KRT8: variants seen among roughly 807,000 people sequenced by gnomAD.
The protein encoded by KRT8 is keratin, type II cytoskeletal 8.
Under a neutral mutation model 43.0 loss-of-function variants are expected in KRT8, and 24 were observed. The ratio of observed to expected loss-of-function variants is 0.56; its 90% CI spans 0.40 to 0.78. KRT8 has a LOEUF of 0.78. KRT8 is among the 30% of genes least tolerant of loss of function. The pLI is 0.00. For missense variants in KRT8, 492 were observed against 638.4 expected (o/e 0.77, Z 2.47); for synonymous variants, 214 against 261.2 (o/e 0.82, Z 1.74).
At chr12:52,924,109 G>A (rs1015359279) in intron 2 of KRT8, among the ~76,000 whole-genome samples, 4 of 151,984 alleles carry the variant, frequency 2.6e-5, no homozygotes, top group African/African-American at 4.8e-5. Context: ...AGCATGAGCC[G>A]AGTTGTGAGC....
chr12:52,897,274 G>A (rs761673515), exon 8 of KRT8: 3 of 755,872 alleles, frequency 4.0e-6, no homozygotes, highest in South Asian at 1.4e-5. Flanking sequence ...TGGGCAAGGG[G>A]GGTCCCCAGG....
At chr12:52,906,703 G>T, upstream of KRT8, 1 of 455,946 alleles carries the variant, frequency 2.2e-6, no homozygotes, top group Non-Finnish European at 4.4e-6. Context: ...TGTGGGGACT[G>T]GATGAAACTG....
exon 7 of KRT8, chr12:52,898,472 C>G: frequency 1.2e-6 from 2 of 1,613,874 alleles, no homozygotes; most frequent in South Asian, 2.2e-5. Context: ...TGCATAGCCG[C>G]TGGTGGTCTT....
At chr12:52,949,249 G>T in intron 2 of KRT8, 3 of 1,445,428 alleles carry the variant, frequency 2.1e-6, no homozygotes, top group African/African-American at 1.9e-5. Context: ...CAGCTACGGC[G>T]CCCGGCCGGT....
At chr12:52,937,681 C>T (rs559658974) in intron 2 of KRT8, among the ~76,000 whole-genome samples, 16 of 146,244 alleles carry the variant, frequency 1.1e-4, no homozygotes, top group Non-Finnish European at 2.2e-4. Flanking sequence ...GAGTGAAACT[C>T]TGTCTCAAAA....
chr12:52,912,419 T>A (rs1941653610), intron 2 of KRT8, among the ~76,000 whole-genome samples: 1 of 152,130 alleles, frequency 6.6e-6, no homozygotes, highest in African/African-American at 2.4e-5. Flanking sequence ...CCCTCAGTCA[T>A]CCCTTTAAAA....
At chr12:52,949,026 C>G (rs935685098) in intron 2 of KRT8, 37 of 715,964 alleles carry the variant, frequency 5.2e-5, no homozygotes, top group Middle Eastern at 8.3e-4. Context: ...GGGCTCCGAG[C>G]CGTCCACCTG....
chr12:52,945,099 G>A (rs986215298), intron 2 of KRT8, among the ~76,000 whole-genome samples: 1 of 152,176 alleles, frequency 6.6e-6, no homozygotes, highest in African/African-American at 2.4e-5. Context: ...TGTGCCAGAT[G>A]CAGGGCTGGG....
chr12:52,918,015 G>T, intron 2 of KRT8, among the ~76,000 whole-genome samples: 1 of 99,716 alleles, frequency 1.0e-5, no homozygotes, highest in Admixed American at 1.4e-4. Context: ...GGAAGAAGAA[G>T]GAGAAGAAGA....
intron 2 of KRT8, among the ~76,000 whole-genome samples, chr12:52,920,656 C>T (rs937763642): frequency 6.6e-6 from 1 of 152,062 alleles, no homozygotes; most frequent in African/African-American, 2.4e-5. Flanking sequence ...TGTTGTTGAC[C>T]GTCACATCCA....
upstream of KRT8, chr12:52,905,142 AGGCCCAGAGGGGGCTG>A (rs1000962123): frequency 2.2e-6 from 3 of 1,368,524 alleles, no homozygotes; most frequent in African/African-American, 4.4e-5. Flanking sequence ...CTGAGTGGCT[AGGCCCAGAGGGGGCTG>A]GGCCTAACCC....
intron 2 of KRT8, among the ~76,000 whole-genome samples, chr12:52,925,898 A>G (rs1274939397): frequency 6.6e-6 from 1 of 152,018 alleles, no homozygotes; most frequent in Non-Finnish European, 1.5e-5. Context: ...CTCAGGGCCC[A>G]TTACTCTGAG....
At chr12:52,898,634 C>T (rs776235791) in intron 6 of KRT8, 45 bp downstream of exon 6, 6 of 1,613,212 alleles carry the variant, frequency 3.7e-6, no homozygotes, top group East Asian at 2.2e-5. Flanking sequence ...CACCCCAGGT[C>T]CCAGGGATAG....
At chr12:52,948,543 C>T (rs147318384) in intron 2 of KRT8, 4,432 of 184,086 alleles carry the variant, frequency 0.024, 72 homozygotes, top group South Asian at 0.046. Flanking sequence ...TGTCGCCAGG[C>T]TGCAGTGGCG....
At chr12:52,900,349 C>T (rs1031206743) in intron 4 of KRT8, among the ~76,000 whole-genome samples, 2 of 152,178 alleles carry the variant, frequency 1.3e-5, no homozygotes, top group African/African-American at 4.8e-5. Context: ...CGTTATTTCA[C>T]TTCTCTGAGC....
At chr12:52,935,400 A>AAAAAT (rs766897780) in intron 2 of KRT8, among the ~76,000 whole-genome samples, 3 of 134,656 alleles carry the variant, frequency 2.2e-5, no homozygotes, top group East Asian at 2.5e-4. Context: ...AAAAAAAAAA[A>AAAAAT]AAAAAAAAAA....
At chr12:52,901,787 G>C (rs946374488) in intron 2 of KRT8, 77 bp downstream of exon 2, 3 of 990,916 alleles carry the variant, frequency 3.0e-6, no homozygotes, top group African/African-American at 3.2e-5. Context: ...GAGGGCCATG[G>C]GGACTTAGTC....
At chr12:52,934,796 C>T (rs1942139211) in intron 2 of KRT8, among the ~76,000 whole-genome samples, 1 of 151,618 alleles carries the variant, frequency 6.6e-6, no homozygotes. Context: ...TGGAGAAAAC[C>T]CATCTCTACT....
chr12:52,948,060 C>T (rs886074055), intron 2 of KRT8: 4 of 151,344 alleles, frequency 2.6e-5, no homozygotes, highest in African/African-American at 9.8e-5. Flanking sequence ...GTCCAAATCA[C>T]AGTGTTCCAC....
Sources: allele counts gnomAD v4.1 joint callset (sites outside exome capture counted in the v4.1 genomes callset), GRCh38; gene constraint gnomAD v4.1.1; transcripts MANE v1.5; gene names NCBI Gene and HGNC (gene_info 2026-07-23, HGNC 2026-07-21).